APOO: variants seen among roughly 807,000 people sequenced by gnomAD.
APOO encodes the protein MICOS complex subunit MIC26.
APOO carries 11 observed loss-of-function variants against 23.1 expected under a neutral mutation model. The observed-to-expected ratio is 0.48, with a 90% CI of 0.30 to 0.79. The LOEUF is 0.79. Among genes scored for constraint, APOO ranks in the 30% least tolerant of loss-of-function variants. The pLI, the probability that APOO is intolerant of heterozygous loss-of-function variation, is 0.07. For missense variants in APOO, 160 were observed against 142.7 expected (o/e 1.12, Z -0.62); for synonymous variants, 59 against 54.8 (o/e 1.08, Z -0.34).
At chrX:23,858,967 G>A (rs995187884) in intron 5 of APOO, among the ~76,000 whole-genome samples, 11 of 111,230 alleles carry the variant, frequency 9.9e-5, no homozygotes, top group Admixed American at 1.9e-4. Context: ...TTAGCCAGGC[G>A]TGGTAGTGTG....
chrX:23,886,476 T>C (rs987733067), intron 1 of APOO, among the ~76,000 whole-genome samples: 2 of 111,699 alleles, frequency 1.8e-5, no homozygotes, highest in Non-Finnish European at 1.9e-5. Flanking sequence ...TCACTCTATG[T>C]AAATTAGACT....
intron 1 of APOO, among the ~76,000 whole-genome samples, chrX:23,889,211 GAC>G (rs1232646075): frequency 9.0e-6 from 1 of 111,440 alleles, no homozygotes; most frequent in Non-Finnish European, 1.9e-5. Flanking sequence ...TAGATTCTTA[GAC>G]ACAGTTTACC....
chrX:23,845,736 A>C (rs1432177472), intron 7 of APOO, among the ~76,000 whole-genome samples: 2 of 112,392 alleles, frequency 1.8e-5, no homozygotes, highest in African/African-American at 6.5e-5. Context: ...ATGTTTACTC[A>C]GGGTGGTGGC....
At chrX:23,884,711 G>C (rs1192115986) in intron 1 of APOO, among the ~76,000 whole-genome samples, 1 of 111,693 alleles carries the variant, frequency 9.0e-6, no homozygotes, top group East Asian at 2.8e-4. Context: ...CAAGAGATCT[G>C]TTGTACAACA....
At chrX:23,847,527 G>A (rs1441643952) in intron 7 of APOO, among the ~76,000 whole-genome samples, 2 of 110,355 alleles carry the variant, frequency 1.8e-5, no homozygotes, top group Non-Finnish European at 3.8e-5. Context: ...TCGGGAGGCT[G>A]AGGCAGGAGA....
At chrX:23,875,867 G>A (rs992488101) in intron 3 of APOO, among the ~76,000 whole-genome samples, 2 of 111,257 alleles carry the variant, frequency 1.8e-5, no homozygotes, top group African/African-American at 6.5e-5. Flanking sequence ...TTTCACGCCT[G>A]TAATCCCAAC....
intron 7 of APOO, among the ~76,000 whole-genome samples, chrX:23,845,315 T>TG (rs1176567003): frequency 1.8e-5 from 2 of 112,231 alleles, no homozygotes; most frequent in Non-Finnish European, 3.8e-5. Flanking sequence ...CATAACTTTA[T>TG]GGAAAACCCA....
chrX:23,858,975 G>C (rs1924899657), intron 5 of APOO, among the ~76,000 whole-genome samples: 1 of 111,299 alleles, frequency 9.0e-6, no homozygotes, highest in South Asian at 3.8e-4. Context: ...GCGTGGTAGT[G>C]TGTGCCTATA....
At chrX:23,839,966 T>C (rs1022475131) in intron 8 of APOO, 4 of 118,096 alleles carry the variant, frequency 3.4e-5, no homozygotes, top group African/African-American at 1.3e-4. Flanking sequence ...CAGTCATGCA[T>C]TCCAGTGTTC....
At chrX:23,882,581 A>G (rs1926197253) in intron 1 of APOO, among the ~76,000 whole-genome samples, 1 of 111,854 alleles carries the variant, frequency 8.9e-6, no homozygotes, top group African/African-American at 3.2e-5. Flanking sequence ...GGAGTAAGAC[A>G]TATCCTCACC....
At chrX:23,839,902 C>G (rs892111337) in intron 8 of APOO, 1 of 111,704 alleles carries the variant, frequency 9.0e-6, no homozygotes, top group Non-Finnish European at 1.9e-5. Flanking sequence ...TGCTATTATA[C>G]AATTTTTCAT....
chrX:23,845,620 C>T lies in APOO; in HGVS notation c.562-5243G>A, dbSNP rs949675740. ...GCAGTAATTGTCCTTCTGTGATTAG[C>T]TTACTTCAAAGATGAACATTTTAAA... On this transcript the variant is annotated intron_variant, in intron 7 of 8. Transcript: ENST00000379226. 1.2e-4 allele frequency among the ~76,000 whole-genome samples: 13 copies of T among 112,542 alleles called. 1 individual carries two copies. Among genetic ancestry groups the T allele is most frequent in the Admixed American group, 1.1e-3 (12 of 10,561 alleles).
At chrX:23,863,206 C>T (rs1196251734) in intron 5 of APOO, among the ~76,000 whole-genome samples, 2 of 111,328 alleles carry the variant, frequency 1.8e-5, no homozygotes, top group East Asian at 2.9e-4. Flanking sequence ...TGGTGGTGCA[C>T]GCCTGTAATC....
chrX:23,865,088 T>A (rs763709540), intron 5 of APOO, among the ~76,000 whole-genome samples: 58 of 111,704 alleles, frequency 5.2e-4, no homozygotes, highest in African/African-American at 1.9e-3. Context: ...GTTGTCACTA[T>A]CAGCACTGCC....
chrX:23,889,722 G>C (rs991268971), intron 1 of APOO, among the ~76,000 whole-genome samples: 8 of 100,957 alleles, frequency 7.9e-5, no homozygotes, highest in Non-Finnish European at 1.6e-4. Flanking sequence ...GAGTGCAGTG[G>C]TGCGATCTTG....
chrX:23,863,300 C>T (rs1200999566), intron 5 of APOO, among the ~76,000 whole-genome samples: 1 of 112,011 alleles, frequency 8.9e-6, no homozygotes, highest in Admixed American at 9.4e-5. Flanking sequence ...TGTGACACTG[C>T]ACTCCAGCCT....
At chrX:23,902,732 G>C (rs1927180630) in intron 1 of APOO, among the ~76,000 whole-genome samples, 1 of 111,656 alleles carries the variant, frequency 9.0e-6, no homozygotes, top group Admixed American at 9.5e-5. Flanking sequence ...CACATAACTA[G>C]TCAGACACAC....
intron 1 of APOO, among the ~76,000 whole-genome samples, chrX:23,904,632 G>A (rs1438779460): frequency 1.0e-4 from 11 of 105,685 alleles, no homozygotes; most frequent in African/African-American, 3.1e-4. Flanking sequence ...TCAGCCTCCC[G>A]AGTAGCTGAG....
At chrX:23,902,419 A>G (rs1450605952) in intron 1 of APOO, among the ~76,000 whole-genome samples, 2 of 111,436 alleles carry the variant, frequency 1.8e-5, no homozygotes, top group African/African-American at 6.5e-5. Context: ...TCTCTCCTAG[A>G]TAAGAACTGG....
Sources: allele counts gnomAD v4.1 joint callset (sites outside exome capture counted in the v4.1 genomes callset), GRCh38; gene constraint gnomAD v4.1.1; transcripts MANE v1.5; gene names NCBI Gene and HGNC (gene_info 2026-07-23, HGNC 2026-07-21).